Variants in QTRT2 observed in about 807,000 individuals in gnomAD.
The protein encoded by QTRT2 is queuine tRNA-ribosyltransferase domain containing 1.
QTRT2 carries 32 observed loss-of-function variants against 44.8 expected under a neutral mutation model. The ratio of observed to expected loss-of-function variants is 0.71; its 90% CI spans 0.54 to 0.96. The LOEUF (loss-of-function observed/expected upper bound fraction) is 0.96, where lower values mean the gene tolerates loss of function less well. Ranked by LOEUF, QTRT2 falls within the 40% of genes least tolerant of loss-of-function variation. QTRT2 has a pLI of 0.00. For missense variants in QTRT2, 461 were observed against 503.1 expected (o/e 0.92, Z 0.80); for synonymous variants, 182 against 187.4 (o/e 0.97, Z 0.24).
chr3:114,072,203 A>G (rs539464839), intron 6 of QTRT2, among the ~76,000 whole-genome samples: 1 of 151,916 alleles, frequency 6.6e-6, no homozygotes, highest in Admixed American at 6.5e-5. Flanking sequence ...CTATCAGGCT[A>G]GAGTGCAGTG....
Position 114,085,976 on chromosome 3 carries a change from A to G in QTRT2, c.*72A>G. On this transcript the variant is annotated 3_prime_UTR_variant, in exon 10 of 10. Coordinates refer to ENST00000281273, the MANE Select transcript of QTRT2 (RefSeq NM_024638.4). ...TGTTGTAACATGGGAAGACGTGAAG[A>G]AGAAATAATCTGAGCTTTAATTATT... 3 of 1,166,118 alleles carry G rather than the reference A, an allele frequency of 2.6e-6. No individual in the cohort carries two copies. Among genetic ancestry groups the G allele is most frequent in the Non-Finnish European group, 3.9e-6 (3 of 776,562 alleles). 72.2% of individuals were successfully genotyped at this position (1,166,118 alleles called of 1,614,324 possible).
intron 2 of QTRT2, among the ~76,000 whole-genome samples, chr3:114,059,369 A>C (rs982879780): frequency 6.6e-6 from 1 of 152,212 alleles, no homozygotes; most frequent in African/African-American, 2.4e-5. Flanking sequence ...TATTTTGGAG[A>C]CTGTTGATCT....
chr3:114,067,430 TA>T, intron 4 of QTRT2, among the ~76,000 whole-genome samples: 1 of 152,330 alleles, frequency 6.6e-6, no homozygotes, highest in South Asian at 2.1e-4. Context: ...TTGCATTTTT[TA>T]AAAAATGATT....
chr3:114,061,098 G>C (rs1021674109), intron 2 of QTRT2, among the ~76,000 whole-genome samples: 2 of 152,124 alleles, frequency 1.3e-5, no homozygotes, highest in South Asian at 2.1e-4. Flanking sequence ...ACTGAAACTG[G>C]AAAGCAGAAC....
At chr3:114,060,546 A>T (rs368758992) in intron 2 of QTRT2, among the ~76,000 whole-genome samples, 1 of 119,542 alleles carries the variant, frequency 8.4e-6, no homozygotes, top group African/African-American at 3.1e-5. Flanking sequence ...ATAGATAGAT[A>T]AGATAGATTA....
chr3:114,083,427 C>T (rs533918980), intron 9 of QTRT2, among the ~76,000 whole-genome samples: 1 of 152,064 alleles, frequency 6.6e-6, no homozygotes, highest in Non-Finnish European at 1.5e-5. Flanking sequence ...ATGAGCAGTT[C>T]CTTTGAGCAT....
rs2077229495 is a variant in QTRT2 at position 114,085,823 on chromosome 3, G to A, written c.1167G>A (p.Gly389=). The part of the protein sequence containing the change: ...LMMHNFEHYF[G]FFHYIREALK... Reference sequence around the variant, plus strand: ...TGCACAACTTTGAACACTACTTTGGGTTTTTCCATTACATCCGGGAAGCAC... The same window carrying A: ...TGCACAACTTTGAACACTACTTTGGATTTTTCCATTACATCCGGGAAGCAC... Residue 389 remains glycine (G), a synonymous_variant, in exon 10 of 10, where the codon GGG becomes GGA. Coordinates refer to ENST00000281273, the MANE Select transcript of QTRT2 (RefSeq NM_024638.4). 1 of 1,613,990 alleles carries A rather than the reference G, an allele frequency of 6.2e-7. No individual in the cohort carries two copies. The highest frequency in any genetic ancestry group is 1.3e-5 in the African/African-American group (1 of 74,894).
At chr3:114,068,982 G>A (rs2076989596) in intron 5 of QTRT2, among the ~76,000 whole-genome samples, 1 of 151,856 alleles carries the variant, frequency 6.6e-6, no homozygotes, top group African/African-American at 2.4e-5. Context: ...CTGGGAGGCA[G>A]AGGTGGCAGT....
intron 5 of QTRT2, chr3:114,068,407 A>G (rs967855786): frequency 7.4e-6 from 2 of 271,980 alleles, no homozygotes; most frequent in Admixed American, 4.3e-5. Flanking sequence ...CTTCAGGAAG[A>G]GTGGGGAAAG....
At chr3:114,057,841 G>T (rs557804909) in intron 2 of QTRT2, among the ~76,000 whole-genome samples, 3 of 152,192 alleles carry the variant, frequency 2.0e-5, no homozygotes, top group Non-Finnish European at 4.4e-5. Flanking sequence ...AATGGAGAAA[G>T]ATTGCAGAGA....
rs1428408917 is a variant in QTRT2 at position 114,086,770 on chromosome 3, G to C, written c.*866G>C. On this transcript the variant is annotated 3_prime_UTR_variant, in exon 10 of 10. Transcript: ENST00000281273. ...AGAGGGTTAGTCTCCATCCTGCTCA[G>C]ATATGACTCCTGGGCAATTCACTTA... is the stretch of plus-strand genomic sequence containing the variant. 6.6e-6 allele frequency: 1 copy of C among 152,296 alleles called. No individual in the cohort carries two copies. Among genetic ancestry groups the C allele is most frequent in the African/African-American group, 2.4e-5 (1 of 41,462 alleles). The allele number at this position is 152,296 out of a possible 1,614,324, so 9.4% of individuals were successfully genotyped here.
In QTRT2 at chr3:114,085,970, G is replaced by T; in HGVS notation, c.*66G>T. ...TACCACTGTTGTAACATGGGAAGAC[G>T]TGAAGAAGAAATAATCTGAGCTTTA... On this transcript the variant is annotated 3_prime_UTR_variant, in exon 10 of 10. Transcript: ENST00000281273. The T allele has an allele frequency of 8.3e-7, 1 of 1,199,172 alleles. No homozygotes were observed. Among genetic ancestry groups the T allele is most frequent in the Middle Eastern group, 1.9e-4 (1 of 5,296 alleles). 74.3% of individuals were successfully genotyped at this position (1,199,172 alleles called of 1,614,324 possible).
chr3:114,060,640 C>G (rs1043461971), intron 2 of QTRT2, among the ~76,000 whole-genome samples: 1 of 152,074 alleles, frequency 6.6e-6, no homozygotes, highest in African/African-American at 2.4e-5. Flanking sequence ...CTATACATAC[C>G]TATAATAAAG....
chr3:114,074,172 A>G (rs913468911), intron 6 of QTRT2, among the ~76,000 whole-genome samples: 3 of 152,166 alleles, frequency 2.0e-5, no homozygotes, highest in Non-Finnish European at 4.4e-5. Flanking sequence ...TGTTTGTATC[A>G]CACATAGCCT....
At chr3:114,081,623 A>G (rs553953801) in intron 8 of QTRT2, among the ~76,000 whole-genome samples, 1 of 152,272 alleles carries the variant, frequency 6.6e-6, no homozygotes, top group African/African-American at 2.4e-5. Flanking sequence ...TTTTTTGCAA[A>G]GACAGGATCT....
intron 6 of QTRT2, among the ~76,000 whole-genome samples, chr3:114,072,233 C>A (rs1311765283): frequency 5.9e-5 from 9 of 152,060 alleles, no homozygotes; most frequent in Admixed American, 5.9e-4. Flanking sequence ...TGGCTCACTG[C>A]AACCTCCAAC....
At chr3:114,060,960 C>T (rs920245049) in intron 2 of QTRT2, among the ~76,000 whole-genome samples, 1 of 152,156 alleles carries the variant, frequency 6.6e-6, no homozygotes, top group African/African-American at 2.4e-5. Flanking sequence ...TGATTCACGT[C>T]CTGGGTGGAA....
intron 6 of QTRT2, among the ~76,000 whole-genome samples, chr3:114,075,764 C>T (rs936435894): frequency 6.6e-6 from 1 of 151,996 alleles, no homozygotes; most frequent in African/African-American, 2.4e-5. Context: ...CTGCCTCGGC[C>T]TCCTGCTGGG....
In QTRT2 at chr3:114,076,896, C is replaced by T. The variant is rs376673299; in HGVS notation, c.700C>T (p.Arg234Cys). The T allele has an allele frequency of 5.4e-5, 87 of 1,614,180 alleles. No homozygotes were observed. The highest frequency in any genetic ancestry group is 3.3e-4 in the Middle Eastern group (2 of 6,058). ...TCCAACAACCCTGGAGGCTAGACTA[C>T]GCTTGCTGTCATCAGTCACTGCAGA... ...GNPTTLEARL[R>C]LLSSVTAELP... The change falls in exon 7 of 10, where the codon CGC (arginine) becomes TGC (cysteine). Residue 234 changes from arginine (R) to cysteine (C), a missense_variant. Coordinates refer to ENST00000281273, the MANE Select transcript of QTRT2 (RefSeq NM_024638.4).
Sources: gnomAD v4.1 joint callset for allele counts (sites outside exome capture counted in the v4.1 genomes callset) on GRCh38, gnomAD v4.1.1 for gene constraint, MANE v1.5 for transcripts, NCBI Gene and HGNC (gene_info 2026-07-23, HGNC 2026-07-21) for gene names.